CSRNP2: variants seen among roughly 807,000 people sequenced by gnomAD.
CSRNP2 encodes cysteine and serine rich nuclear protein 2, also known as cysteine/serine-rich nuclear protein 2.
Under a neutral mutation model 36.6 loss-of-function variants are expected in CSRNP2, and 11 were observed. The observed-to-expected ratio is 0.30, with a 90% confidence interval of 0.19 to 0.50. CSRNP2 has a LOEUF of 0.50. Among genes scored for constraint, CSRNP2 ranks in the 20% least tolerant of loss-of-function variants. The pLI is 0.98. For missense variants in CSRNP2, 483 were observed against 691.4 expected (o/e 0.70, Z 3.38); for synonymous variants, 248 against 275.3 (o/e 0.90, Z 0.98).
At chr12:51,073,768 T>A in intron 3 of CSRNP2, 55 bp downstream of exon 3, 2 of 1,523,054 alleles carry the variant, frequency 1.3e-6, no homozygotes, top group Non-Finnish European at 1.8e-6. Flanking sequence ...AACCAACCAA[T>A]GAACCTAAAT....
chr12:51,067,579 C>A lies in CSRNP2; in HGVS notation c.708+94G>T, dbSNP rs1007792058. ...AGAGTGTTCACAACCATAGGGAATC[C>A]ACCCCTGAATGGGCCTCCCATGTTC... On this transcript the variant is annotated intron_variant, in intron 4 of 4. Transcript: ENST00000228515. The surrounding 1 kb of genome is among the most constrained non-coding windows in gnomAD (Gnocchi z 4.1). 7 of 1,233,892 alleles carry A rather than the reference C, an allele frequency of 5.7e-6. No individual in the cohort carries two copies. Among genetic ancestry groups the A allele is most frequent in the African/African-American group, 1.5e-5 (1 of 67,388 alleles). 76.4% of individuals were successfully genotyped at this position (1,233,892 alleles called of 1,614,324 possible). A position where few individuals can be genotyped will look rare whatever the true frequency, so the allele number is the denominator to read the frequency against.
intron 1 of CSRNP2, among the ~76,000 whole-genome samples, chr12:51,079,359 A>T (rs904025487): frequency 1.4e-5 from 2 of 139,282 alleles, no homozygotes; most frequent in African/African-American, 5.5e-5. Context: ...TTAAAGTATT[A>T]AAAAAAAAAA....
Position 51,063,983 on chromosome 12 carries a change from T to A in CSRNP2, c.1395A>T (p.Thr465=). The A allele has an allele frequency of 1.2e-6, 2 of 1,613,980 alleles. No homozygotes were observed. The highest frequency in any genetic ancestry group is 1.1e-5 in the South Asian group (1 of 91,088). Residue 465 remains threonine (T), a synonymous_variant, in exon 5 of 5, where the codon ACA becomes ACT. Transcript: ENST00000228515. ...PVTSLVACSS[T]DPAALCKSEV... ...CTGATTTACAGAGGGCAGCTGGGTC[T>A]GTGGAGCTACAAGCCACGAGTGAGG...
Position 51,063,619 on chromosome 12 carries a change from T to C in CSRNP2, c.*127A>G. ...TACTCAAACAATCCTTTCCCACCCATTCCCCAAAGACCCCAATAAAATAAC... is the reference window on the plus strand; with the variant it reads ...TACTCAAACAATCCTTTCCCACCCACTCCCCAAAGACCCCAATAAAATAAC... On this transcript the variant is annotated 3_prime_UTR_variant, in exon 5 of 5. Coordinates refer to ENST00000228515, the MANE Select transcript of CSRNP2 (RefSeq NM_030809.3). 1.4e-6 allele frequency: 1 copy of C among 733,562 alleles called. No homozygotes were observed. The highest frequency in any genetic ancestry group is 2.1e-6 in the Non-Finnish European group (1 of 471,450). 45.4% of individuals were successfully genotyped at this position (733,562 alleles called of 1,614,324 possible). A position where few individuals can be genotyped will look rare whatever the true frequency, so the allele number is the denominator to read the frequency against.
chr12:51,064,275 G>T lies in CSRNP2; in HGVS notation c.1103C>A (p.Pro368His), dbSNP rs772943332. 2 of 1,612,786 alleles carry T rather than the reference G, an allele frequency of 1.2e-6. No homozygotes were observed. Among genetic ancestry groups the T allele is most frequent in the African/African-American group, 2.7e-5 (2 of 74,878 alleles). Residue 368 changes from proline (P) to histidine (H), a missense_variant, in exon 5 of 5, where the codon CCC becomes CAC. Transcript: ENST00000228515. The stretch of plus-strand genomic sequence containing the variant: ...TGTAAGGCCTGGGCACAGCTCTTCG[G>T]GGACAGCCAGAGGCTCCTCTAGGAT... ...VCILEEPLAV[P>H]EELCPGLTAP...
At chr12:51,075,517 C>T (rs1437574034) in intron 2 of CSRNP2, among the ~76,000 whole-genome samples, 1 of 152,174 alleles carries the variant, frequency 6.6e-6, no homozygotes, top group Non-Finnish European at 1.5e-5. Flanking sequence ...CATTGGATAG[C>T]ATTGATCTGT....
intron 3 of CSRNP2, among the ~76,000 whole-genome samples, chr12:51,072,243 G>C (rs1193428770): frequency 6.6e-6 from 1 of 152,032 alleles, no homozygotes; most frequent in African/African-American, 2.4e-5. Flanking sequence ...CTATGGCTGT[G>C]GGAATACCAA....
chr12:51,064,873 C>G (rs1284414305), intron 4 of CSRNP2, among the ~76,000 whole-genome samples: 4 of 152,208 alleles, frequency 2.6e-5, no homozygotes. Context: ...AATCCCAGCT[C>G]AGCCATTAAT....
chr12:51,074,078 T>A lies in CSRNP2; in HGVS notation c.156A>T (p.Thr52=). 2 of 1,613,948 alleles carry A rather than the reference T, an allele frequency of 1.2e-6. No individual in the cohort carries two copies. The highest frequency in any genetic ancestry group is 1.1e-5 in the South Asian group (1 of 91,070). ...NPPTTASFTP[T]SILKRQKQLR... ...GCTGCTTCTGCCGCTTCAGGATGGA[T>A]GTGGCTGAGAAGGGAGCACAGAGAG... Residue 52 remains threonine, a synonymous_variant, in exon 3 of 5, where the codon ACA becomes ACT. Transcript: ENST00000228515.
intron 1 of CSRNP2, among the ~76,000 whole-genome samples, chr12:51,080,600 T>C (rs1440278274): frequency 6.6e-6 from 1 of 152,226 alleles, no homozygotes; most frequent in African/African-American, 2.4e-5. Context: ...TATGGCTATG[T>C]GTGTAAATAA....
chr12:51,064,995 A>G (rs761570359), intron 4 of CSRNP2, among the ~76,000 whole-genome samples: 1 of 152,164 alleles, frequency 6.6e-6, no homozygotes, highest in Non-Finnish European at 1.5e-5. Context: ...GAGTCCAGAG[A>G]TACTTCTCTG....
chr12:51,075,772 G>T (rs1217701661), intron 2 of CSRNP2, among the ~76,000 whole-genome samples: 1 of 152,206 alleles, frequency 6.6e-6, no homozygotes, highest in African/African-American at 2.4e-5. Flanking sequence ...AGCTTGGCCG[G>T]GCACAGTGGC....
chr12:51,080,051 C>T (rs1376993136), intron 1 of CSRNP2, among the ~76,000 whole-genome samples: 7 of 109,982 alleles, frequency 6.4e-5, no homozygotes, highest in Admixed American at 1.4e-4. Flanking sequence ...CCAGCCTGGG[C>T]GGCAGAGTAA....
chr12:51,082,300 C>T (rs890525543), intron 1 of CSRNP2, among the ~76,000 whole-genome samples: 21 of 152,302 alleles, frequency 1.4e-4, no homozygotes, highest in African/African-American at 5.1e-4. Context: ...TCACCACCCC[C>T]ACTCCCCGAT....
intron 3 of CSRNP2, 52 bp downstream of exon 3, chr12:51,073,771 A>C: frequency 1.3e-6 from 2 of 1,541,258 alleles, no homozygotes; most frequent in Non-Finnish European, 1.8e-6. Context: ...CAACCAATGA[A>C]CCTAAATGGT....
Position 51,075,065 on chromosome 12 carries a change from A to G in CSRNP2, c.152-983T>C, listed in dbSNP as rs188410255. ...GACGACAGAGCAAGACTCCATCTCAAAAACAAACAAACAAAAATTCAGCTC... is the reference window on the plus strand; with the variant it reads ...GACGACAGAGCAAGACTCCATCTCAGAAACAAACAAACAAAAATTCAGCTC... On this transcript the variant is annotated intron_variant, in intron 2 of 4. Coordinates refer to ENST00000228515, the MANE Select transcript of CSRNP2 (RefSeq NM_030809.3). Among the ~76,000 whole-genome samples the G allele has an allele frequency of 3.0e-3, 459 of 152,288 alleles. 12 individuals carry two copies. Among genetic ancestry groups the G allele is most frequent in the Admixed American group, 0.028 (435 of 15,292 alleles).
rs560686787 is a variant in CSRNP2, at chr12:51,066,497, C to T, written c.708+1176G>A. ...GAATTACAACAATACAACAATTAGCCGGGCATAGTGGTGCACACCTGTAAT... is the reference window on the plus strand; with the variant it reads ...GAATTACAACAATACAACAATTAGCTGGGCATAGTGGTGCACACCTGTAAT... On this transcript the variant is annotated intron_variant, in intron 4 of 4. Transcript: ENST00000228515. Among the ~76,000 whole-genome samples the T allele has an allele frequency of 3.4e-4, 52 of 150,898 alleles. No homozygotes were observed. The South Asian group carries it at 5.1e-3, about 15-fold the overall frequency.
intron 2 of CSRNP2, among the ~76,000 whole-genome samples, chr12:51,074,691 A>C (rs1939321191): frequency 6.6e-6 from 1 of 152,188 alleles, no homozygotes; most frequent in African/African-American, 2.4e-5. Context: ...TCTGGATATA[A>C]GAATCTACAG....
At chr12:51,078,755 C>T (rs967776253) in intron 1 of CSRNP2, among the ~76,000 whole-genome samples, 1 of 151,950 alleles carries the variant, frequency 6.6e-6, no homozygotes, top group Non-Finnish European at 1.5e-5. Context: ...GAAATAGGAA[C>T]ACTTTTACAC....
Sources: allele counts gnomAD v4.1 joint callset (sites outside exome capture counted in the v4.1 genomes callset), GRCh38; gene constraint gnomAD v4.1.1; non-coding constraint Gnocchi (gnomAD v3.1); transcripts MANE v1.5; gene names NCBI Gene and HGNC (gene_info 2026-07-23, HGNC 2026-07-21).